The following SMARCD2 variants were observed in gnomAD, a reference collection of about 807,000 sequenced individuals.
SMARCD2 encodes the protein SWI/SNF-related matrix-associated actin-dependent regulator of chromatin subfamily D member 2.
A neutral mutation model predicts 70.4 loss-of-function variants in SMARCD2; 39 were observed. That is an observed-to-expected ratio of 0.55 (90% CI 0.43 to 0.72). The LOEUF is 0.72. Ranked by LOEUF, SMARCD2 falls within the 30% of genes least tolerant of loss-of-function variation. The pLI, the probability that SMARCD2 is intolerant of heterozygous loss-of-function variation, is 0.00. For missense variants in SMARCD2, 540 were observed against 713.4 expected, an observed-to-expected ratio of 0.76 and a Z score of 2.77; for synonymous variants, 249 against 279.4, an observed-to-expected ratio of 0.89 and a Z score of 1.08.
At chr17:63,839,483 A>T (rs1325059551) in intron 1 of SMARCD2, among the ~76,000 whole-genome samples, 1 of 151,748 alleles carries the variant, frequency 6.6e-6, no homozygotes, top group Non-Finnish European at 1.5e-5. Context: ...TCAGGGCCCC[A>T]GGGGAAGGCT....
chr17:63,835,113 C>T (rs2040248714), intron 5 of SMARCD2: 2 of 532,826 alleles, frequency 3.8e-6, no homozygotes, highest in African/African-American at 1.9e-5. Flanking sequence ...TGGGAGCGCC[C>T]AAGTGTCTGG....
In SMARCD2 at chr17:63,833,690, C is replaced by G; in HGVS notation, c.1214G>C (p.Cys405Ser). ...VDPNDQKKTA[C>S]YDIDVEVDDP... The stretch of plus-strand genomic sequence containing the variant: ...GTCCACCTCCACATCGATGTCGTAA[C>G]AGGCTGTCTTCTTCTGGTCGTTAGG... Residue 405 changes from cysteine to serine, a missense_variant, in exon 10 of 13, where the codon TGT (cysteine) becomes TCT (serine). Transcript: ENST00000448276. The surrounding 1 kb of genome is among the most constrained non-coding windows in gnomAD (Gnocchi z 4.3). 1.2e-6 allele frequency: 2 copies of G among 1,613,994 alleles called. No homozygotes were observed. The highest frequency in any genetic ancestry group is 1.7e-6 in the Non-Finnish European group (2 of 1,179,884).
chr17:63,833,837 C>A lies in SMARCD2; in HGVS notation c.1181+72G>T, dbSNP rs2040228349. The stretch of plus-strand genomic sequence containing the variant: ...CAGGGAAAAAGAAACCTGATGCTTT[C>A]TTTGGCTTTAGTTCAAGCCAAGGGT... On this transcript the variant is annotated intron_variant, in intron 9 of 12. Transcript: ENST00000448276. The surrounding 1 kb of genome is among the most constrained non-coding windows in gnomAD (Gnocchi z 4.3). 6 of 1,564,456 alleles carry A rather than the reference C, an allele frequency of 3.8e-6. No individual in the cohort carries two copies. The highest frequency in any genetic ancestry group is 1.7e-4 in the Middle Eastern group (1 of 5,936).
chr17:63,840,917 A>AC (rs1904435848), intron 1 of SMARCD2, among the ~76,000 whole-genome samples: 1 of 152,064 alleles, frequency 6.6e-6, no homozygotes, highest in Non-Finnish European at 1.5e-5. Context: ...GCCACCCCCC[A>AC]CCAAAACATG....
In SMARCD2 at chr17:63,833,509, C is replaced by A; in HGVS notation, c.1317+78G>T. ...TTCCCATCCCGTCCTCCAGGTGCTACATGTATGGAAATGCTGGACAGAGCC... is the reference window on the plus strand; with the variant it reads ...TTCCCATCCCGTCCTCCAGGTGCTAAATGTATGGAAATGCTGGACAGAGCC... On this transcript the variant is annotated intron_variant, in intron 10 of 12. Transcript: ENST00000448276. The surrounding 1 kb of genome is among the most constrained non-coding windows in gnomAD (Gnocchi z 4.3). 1 of 1,610,238 alleles carries A rather than the reference C, an allele frequency of 6.2e-7. No individual in the cohort carries two copies. Among genetic ancestry groups the A allele is most frequent in the Non-Finnish European group, 8.5e-7 (1 of 1,177,240 alleles).
chr17:63,836,785 A>G, intron 4 of SMARCD2, 137 bp downstream of exon 4: 1 of 736,604 alleles, frequency 1.4e-6, no homozygotes, highest in East Asian at 2.5e-5. Flanking sequence ...CATTCAACTG[A>G]GTTCGTACTC....
Position 63,834,214 on chromosome 17 carries a change from C to T in SMARCD2, c.1036G>A (p.Asp346Asn). ...TTGATGTACTCCCGCTCGTGCCCAT[C>T]CTGCAGCTGGTTGTGCTTGATGTAA... is the stretch of plus-strand genomic sequence containing the variant. ...WLYIKHNQLQ[D>N]GHEREYINCN... Residue 346 changes from aspartate (D) to asparagine (N), a missense_variant, in exon 8 of 13, where the codon GAT becomes AAT. Asp to Asn is a conservative substitution (Grantham distance 23). Transcript: ENST00000448276. This position sits in a 1 kb window ranked among gnomAD's most constrained non-coding sequence, Gnocchi z 5.6. The T allele has an allele frequency of 1.2e-6, 2 of 1,608,492 alleles. No homozygotes were observed. Among genetic ancestry groups the T allele is most frequent in the Non-Finnish European group, 1.7e-6 (2 of 1,177,460 alleles).
In SMARCD2 at chr17:63,833,427, A is replaced by C; in HGVS notation, c.1318-7T>G. ...ACTCAATGGTCTCATGGATCTGGAG[A>C]GGGTACCTGTGTCAGACTGTGCCCC... On this transcript the variant is annotated splice_polypyrimidine_tract_variant and splice_region_variant and intron_variant, in intron 10 of 12. Coordinates refer to ENST00000448276, the MANE Select transcript of SMARCD2 (RefSeq NM_001098426.2). This position sits in a 1 kb window ranked among gnomAD's most constrained non-coding sequence, Gnocchi z 4.3. 6.2e-7 allele frequency: 1 copy of C among 1,613,732 alleles called. No individual in the cohort carries two copies. The highest frequency in any genetic ancestry group is 8.5e-7 in the Non-Finnish European group (1 of 1,179,794).
rs756200045 is a variant in SMARCD2, at chr17:63,834,458, C to A, written c.921+16G>T. On this transcript the variant is annotated intron_variant, in intron 7 of 12. Coordinates refer to ENST00000448276, the MANE Select transcript of SMARCD2 (RefSeq NM_001098426.2). The surrounding 1 kb of genome is among the most constrained non-coding windows in gnomAD (Gnocchi z 5.6). ...GGTCCCTGTGGGCCCAGAAATGACCCCAGGGTCTCTGTCACCTGATGATCC... is the reference window on the plus strand; with the variant it reads ...GGTCCCTGTGGGCCCAGAAATGACCACAGGGTCTCTGTCACCTGATGATCC... 5 of 1,568,422 alleles carry A rather than the reference C, an allele frequency of 3.2e-6. No homozygotes were observed. Among genetic ancestry groups the A allele is most frequent in the Non-Finnish European group, 3.5e-6 (4 of 1,149,926 alleles).
Position 63,837,360 on chromosome 17 carries a change from C to A in SMARCD2, c.401+81G>T. The stretch of plus-strand genomic sequence containing the variant: ...AGAGCCTGGAGTCATCCTCAGTCAC[C>A]AAAGCTCTTAAGATAGAAGGAAACC... On this transcript the variant is annotated intron_variant, in intron 2 of 12. Transcript: ENST00000448276. The surrounding 1 kb of genome is among the most constrained non-coding windows in gnomAD (Gnocchi z 6.4). 6.5e-7 allele frequency: 1 copy of A among 1,539,648 alleles called. No homozygotes were observed. The highest frequency in any genetic ancestry group is 9.0e-7 in the Non-Finnish European group (1 of 1,114,440).
At chr17:63,838,446 C>T (rs919206629) in intron 1 of SMARCD2, among the ~76,000 whole-genome samples, 5 of 152,144 alleles carry the variant, frequency 3.3e-5, no homozygotes, top group South Asian at 2.1e-4. Context: ...CCAGGCACCA[C>T]CTGGCAGCCA....
At chr17:63,839,734 T>A (rs1904374882) in intron 1 of SMARCD2, among the ~76,000 whole-genome samples, 1 of 152,072 alleles carries the variant, frequency 6.6e-6, no homozygotes, top group Admixed American at 6.5e-5. Flanking sequence ...AGGGCTCCGG[T>A]GAGCGTGCTT....
rs980191323 is a variant in SMARCD2 at position 63,835,462 on chromosome 17, C to G, written c.673G>C (p.Asp225His). The change falls in exon 5 of 13, where the codon GAC becomes CAC. Residue 225 changes from aspartate (D) to histidine (H), a missense_variant. Asp to His is a moderately conservative substitution (Grantham distance 81). Transcript: ENST00000448276. Reference sequence around the variant, plus strand: ...CGGAGTTCCCAGGAAGCCACCTTGTCCCCTGCTGGGGTTCCCCCAGGGGTC... The same window carrying G: ...CGGAGTTCCCAGGAAGCCACCTTGTGCCCTGCTGGGGTTCCCCCAGGGGTC... ...AGTPGGTPAG[D>H]KVASWELRVE... The G allele has an allele frequency of 2.5e-6, 4 of 1,613,932 alleles. No homozygotes were observed. The East Asian group carries it at 6.7e-5, about 27-fold the overall frequency.
In SMARCD2 at chr17:63,834,719, T is replaced by C. The variant is rs1130100; in HGVS notation, c.805A>G (p.Asn269Asp). The C allele has an allele frequency of 2.0e-5, 32 of 1,612,800 alleles. No individual in the cohort carries two copies. Among genetic ancestry groups the C allele is most frequent in the Non-Finnish European group, 2.7e-5 (32 of 1,178,742 alleles). Residue 269 changes from asparagine to aspartate, a missense_variant, in exon 6 of 13, where the codon AAT becomes GAT. By Grantham distance (23) the Asn-to-Asp change is conservative. Coordinates refer to ENST00000448276, the MANE Select transcript of SMARCD2 (RefSeq NM_001098426.2). The surrounding 1 kb of genome is among the most constrained non-coding windows in gnomAD (Gnocchi z 5.6). ...ELDKELYGPD[N>D]HLVEWHRMPT... is the part of the protein sequence containing the mutation. ...CCCACTCTCACCTCCACCAGGTGAT[T>C]GTCAGGCCCGTACAGCTCCTTGTCC...
Position 63,837,241 on chromosome 17 carries a change from G to T in SMARCD2, c.402-4C>A. On this transcript the variant is annotated splice_region_variant and splice_polypyrimidine_tract_variant and intron_variant, in intron 2 of 12. Coordinates refer to ENST00000448276, the MANE Select transcript of SMARCD2 (RefSeq NM_001098426.2). This position sits in a 1 kb window ranked among gnomAD's most constrained non-coding sequence, Gnocchi z 6.4. ...TGCCATCTTCCTCCTCTTTAACCTGGGGAGGACAGAAACCCACTTAAGAGG... is the reference window on the plus strand; with the variant it reads ...TGCCATCTTCCTCCTCTTTAACCTGTGGAGGACAGAAACCCACTTAAGAGG... The T allele has an allele frequency of 6.2e-7, 1 of 1,613,378 alleles. No homozygotes were observed. Among genetic ancestry groups the T allele is most frequent in the African/African-American group, 1.3e-5 (1 of 74,834 alleles).
At chr17:63,842,279 T>C in intron 1 of SMARCD2, 180 bp downstream of exon 1, 1 of 1,076,084 alleles carries the variant, frequency 9.3e-7, no homozygotes, top group Non-Finnish European at 1.2e-6. Context: ...CAGAACCTGC[T>C]TCCCCTTCCC....
At chr17:63,840,053 T>G (rs1904394650) in intron 1 of SMARCD2, among the ~76,000 whole-genome samples, 1 of 151,552 alleles carries the variant, frequency 6.6e-6, no homozygotes, top group South Asian at 2.1e-4. Flanking sequence ...TGTTTGAACC[T>G]GGGAGGCGGA....
Position 63,834,630 on chromosome 17 carries a change from C to T in SMARCD2, c.820-55G>A. 6.4e-7 allele frequency: 1 copy of T among 1,569,644 alleles called. No homozygotes were observed. Among genetic ancestry groups the T allele is most frequent in the Non-Finnish European group, 8.8e-7 (1 of 1,141,780 alleles). ...CAAGGGGGTGGGCGTGAACACAGGG[C>T]CTCCCAAGGGCCCTGAGGCCATTTC... is the stretch of plus-strand genomic sequence containing the variant. On this transcript the variant is annotated intron_variant, in intron 6 of 12. Coordinates refer to ENST00000448276, the MANE Select transcript of SMARCD2 (RefSeq NM_001098426.2). This position sits in a 1 kb window ranked among gnomAD's most constrained non-coding sequence, Gnocchi z 5.6.
Position 63,834,851 on chromosome 17 carries a change from A to G in SMARCD2, c.724-51T>C, listed in dbSNP as rs2040244828. Reference sequence around the variant, plus strand: ...GGTGCTGCTGAGCTCTCAAATCTCAAGCTATGCTAAATCCCAAGAAAGAGA... The same window carrying G: ...GGTGCTGCTGAGCTCTCAAATCTCAGGCTATGCTAAATCCCAAGAAAGAGA... On this transcript the variant is annotated intron_variant, in intron 5 of 12. Transcript: ENST00000448276. This position sits in a 1 kb window ranked among gnomAD's most constrained non-coding sequence, Gnocchi z 5.6. 3 of 1,254,298 alleles carry G rather than the reference A, an allele frequency of 2.4e-6. No individual in the cohort carries two copies. Among genetic ancestry groups the G allele is most frequent in the East Asian group, 4.6e-5 (2 of 43,286 alleles). 77.7% of individuals were successfully genotyped at this position (1,254,298 alleles called of 1,614,324 possible).
Sources: gnomAD v4.1 joint callset for allele counts (sites outside exome capture counted in the v4.1 genomes callset) on GRCh38, gnomAD v4.1.1 for gene constraint, Gnocchi (gnomAD v3.1) non-coding constraint, MANE v1.5 for transcripts, NCBI Gene and HGNC (gene_info 2026-07-23, HGNC 2026-07-21) for gene names.